The following ABCB11 variants were observed in gnomAD, a reference collection of about 807,000 sequenced individuals.
ABCB11 encodes the protein ATP binding cassette subfamily B member 11.
In ABCB11, 95 loss-of-function variants were observed where a neutral mutation model predicts 148.0. The observed-to-expected ratio is 0.64, with a 90% CI of 0.54 to 0.76. ABCB11 has a LOEUF of 0.76. Ranked by LOEUF, ABCB11 falls within the 30% of genes least tolerant of loss-of-function variation. The probability of loss-of-function intolerance (pLI) is 0.00; values close to 1 mark genes in which losing one functional copy is unlikely to be tolerated. For missense variants in ABCB11, 1,523 were observed against 1,617.8 expected, an observed-to-expected ratio of 0.94 and a Z score of 1.01; for synonymous variants, 591 against 555.4, an observed-to-expected ratio of 1.06 and a Z score of -0.90.
In ABCB11 at chr2:168,921,997, C is replaced by T. The variant is rs532413439; in HGVS notation, c.*1625G>A. Reference sequence around the variant, plus strand: ...CTGAGTAGCTGGGACTACAGGCGCCCGCCACCACGCCCGGCTAATTTTTTT... The same window carrying T: ...CTGAGTAGCTGGGACTACAGGCGCCTGCCACCACGCCCGGCTAATTTTTTT... On this transcript the variant is annotated 3_prime_UTR_variant, in exon 28 of 28. Transcript: ENST00000650372. 7.5e-3 allele frequency among the ~76,000 whole-genome samples: 1,137 copies of T among 151,882 alleles called. 18 individuals are homozygous for T. The highest frequency in any genetic ancestry group is 0.026 in the African/African-American group (1,064 of 41,426).
intron 18 of ABCB11, among the ~76,000 whole-genome samples, chr2:168,962,248 G>A (rs576870611): frequency 3.3e-5 from 5 of 151,670 alleles, no homozygotes; most frequent in Admixed American, 1.3e-4. Flanking sequence ...TAGAGAGAAC[G>A]TAAAGTCACA....
chr2:168,930,522 T>G, intron 25 of ABCB11, 143 bp downstream of exon 25: 1 of 548,436 alleles, frequency 1.8e-6, no homozygotes, highest in Non-Finnish European at 2.8e-6. Flanking sequence ...AGCAAATGAC[T>G]GGGACTGGAA....
intron 21 of ABCB11, among the ~76,000 whole-genome samples, chr2:168,943,032 T>TA (rs1405234377): frequency 6.6e-6 from 1 of 152,054 alleles, no homozygotes; most frequent in Admixed American, 6.6e-5. Flanking sequence ...TCTTATTTTT[T>TA]AAAAAACAAC....
intron 2 of ABCB11, 44 bp from the exon 3 acceptor site, chr2:169,016,843 T>C: frequency 4.1e-6 from 6 of 1,475,000 alleles, no homozygotes; most frequent in Non-Finnish European, 5.6e-6. Flanking sequence ...TTAATAATAA[T>C]GACAAAATGC....
chr2:168,961,771 ACT>A (rs1693087437), intron 18 of ABCB11, among the ~76,000 whole-genome samples: 1 of 151,710 alleles, frequency 6.6e-6, no homozygotes, highest in Non-Finnish European at 1.5e-5. Context: ...GAAAGCACAG[ACT>A]TCTCAGGAAA....
intron 19 of ABCB11, among the ~76,000 whole-genome samples, chr2:168,945,829 T>C (rs1418171239): frequency 1.3e-5 from 2 of 151,846 alleles, no homozygotes; most frequent in Non-Finnish European, 2.9e-5. Flanking sequence ...CTATACAGCA[T>C]TAAAAAAGAA....
Position 169,029,992 on chromosome 2 carries a change from G to T in ABCB11, c.-28+1233C>A, listed in dbSNP as rs1273202861. 3.3e-5 allele frequency among the ~76,000 whole-genome samples: 5 copies of T among 150,734 alleles called. 1 individual carries two copies. The highest frequency in any genetic ancestry group is 1.2e-4 in the African/African-American group (5 of 40,840). ...CTTGACCTCATGATCCACCCGCCTC[G>T]GCCTCCCAAAGTGCTGAGATTACAG... On this transcript the variant is annotated intron_variant, in intron 1 of 27. Coordinates refer to ENST00000650372, the MANE Select transcript of ABCB11 (RefSeq NM_003742.4).
At chr2:169,013,724 A>G (rs1011366395) in intron 4 of ABCB11, among the ~76,000 whole-genome samples, 3 of 152,194 alleles carry the variant, frequency 2.0e-5, no homozygotes, top group Admixed American at 2.0e-4. Context: ...TTACATTGTT[A>G]GATCATGTTA....
rs557938724 is a variant in ABCB11 at position 169,016,892 on chromosome 2, C to T, written c.77-93G>A. On this transcript the variant is annotated intron_variant, in intron 2 of 27. Coordinates refer to ENST00000650372, the MANE Select transcript of ABCB11 (RefSeq NM_003742.4). The stretch of plus-strand genomic sequence containing the variant: ...AGAAATTTGCTCTAGAAAAATATTC[C>T]TATAAATTACCTTTATTCATGGAAT... 15 of 867,822 alleles carry T rather than the reference C, an allele frequency of 1.7e-5. No individual in the cohort carries two copies. In the Admixed American group the frequency reaches 3.2e-4, roughly 18 times the overall value. The allele number at this position is 867,822 out of a possible 1,614,324, so 53.8% of individuals were successfully genotyped here.
chr2:169,027,040 T>G (rs1266811346), intron 1 of ABCB11, among the ~76,000 whole-genome samples: 1 of 152,332 alleles, frequency 6.6e-6, no homozygotes, highest in East Asian at 1.9e-4. Flanking sequence ...TAGGGTTTCT[T>G]AACAAATTTA....
At chr2:168,992,514 G>T (rs748539144) in intron 8 of ABCB11, among the ~76,000 whole-genome samples, 1 of 152,088 alleles carries the variant, frequency 6.6e-6, no homozygotes, top group Non-Finnish European at 1.5e-5. Context: ...AAAGACTGCC[G>T]TAAAACTTGA....
At chr2:168,986,391 GCAAA>G in intron 9 of ABCB11, 107 bp from the exon 10 acceptor site, 1 of 979,270 alleles carries the variant, frequency 1.0e-6, no homozygotes, top group Non-Finnish European at 1.6e-6. Flanking sequence ...TAAAATCATC[GCAAA>G]CACAGAGCAG....
chr2:168,958,719 A>T (rs1692915368), intron 18 of ABCB11, among the ~76,000 whole-genome samples: 1 of 151,722 alleles, frequency 6.6e-6, no homozygotes, highest in Non-Finnish European at 1.5e-5. Context: ...TTCATCACAC[A>T]GAGTGGACAT....
chr2:168,948,862 C>T (rs1423031990), intron 19 of ABCB11, among the ~76,000 whole-genome samples: 1 of 151,632 alleles, frequency 6.6e-6, no homozygotes, highest in African/African-American at 2.4e-5. Flanking sequence ...CCTCCTTACA[C>T]GATGGACTTG....
At chr2:168,960,753 A>G (rs1693037684) in intron 18 of ABCB11, among the ~76,000 whole-genome samples, 1 of 151,696 alleles carries the variant, frequency 6.6e-6, no homozygotes, top group Non-Finnish European at 1.5e-5. Context: ...TTTATTTGAT[A>G]TCTCCACTAA....
intron 5 of ABCB11, among the ~76,000 whole-genome samples, chr2:169,008,231 C>T (rs370500214): frequency 2.6e-5 from 4 of 152,280 alleles, no homozygotes; most frequent in African/African-American, 7.2e-5. Context: ...AAATCAGCTT[C>T]GCTGGGTGGA....
chr2:168,953,879 A>T (rs1234375312), intron 19 of ABCB11, among the ~76,000 whole-genome samples: 2 of 151,578 alleles, frequency 1.3e-5, no homozygotes, highest in East Asian at 3.9e-4. Context: ...TTTGTCTCTT[A>T]TCTACCTATG....
At position 168,936,344 on chromosome 2, in the gene ABCB11, C is replaced by A. The variant is rs371263629; in HGVS notation, c.2700G>T (p.Leu900=). The change falls in exon 22 of 28, where the codon CTG becomes CTT. Residue 900 remains leucine, a synonymous_variant. Transcript: ENST00000650372. ...MIIAFSFSWK[L]SLVILCFFPF... ...GGAAGAAGCACAAGATGACCAGGCT[C>A]AGCTTCCAGCTAAAGGAGAAGGCAA... The A allele has an allele frequency of 6.2e-7, 1 of 1,613,936 alleles. No homozygotes were observed. The highest frequency in any genetic ancestry group is 1.7e-5 in the Admixed American group (1 of 60,010).
intron 25 of ABCB11, among the ~76,000 whole-genome samples, chr2:168,929,327 T>C (rs1691461664): frequency 6.6e-6 from 1 of 151,700 alleles, no homozygotes; most frequent in Non-Finnish European, 1.5e-5. Context: ...ACGTTGCGAG[T>C]GACAGAAATG....
Sources: gnomAD v4.1 joint callset for allele counts (sites outside exome capture counted in the v4.1 genomes callset) on GRCh38, gnomAD v4.1.1 for gene constraint, MANE v1.5 for transcripts, NCBI Gene and HGNC (gene_info 2026-07-23, HGNC 2026-07-21) for gene names.